The following DLEU7 variants were observed in gnomAD, a reference collection of about 807,000 sequenced individuals.
The protein encoded by DLEU7 is deleted in lymphocytic leukemia 7.
In DLEU7, 17 loss-of-function variants were observed where a neutral mutation model predicts 16.0. That is an observed-to-expected ratio of 1.06 (90% CI 0.73 to 1.59). DLEU7 has a LOEUF of 1.59. Ranked by LOEUF, DLEU7 falls within the 40% of genes most tolerant of loss-of-function variation. The pLI is 0.00. For synonymous variants in DLEU7, 113 were observed against 139.8 expected (o/e 0.81, Z 1.35); for missense variants, 308 against 314.9 (o/e 0.98, Z 0.17).
At chr13:50,729,746 G>A (rs1007303416) in intron 1 of DLEU7, among the ~76,000 whole-genome samples, 4 of 152,100 alleles carry the variant, frequency 2.6e-5, no homozygotes, top group Non-Finnish European at 5.9e-5. Flanking sequence ...TTGTGAGGTG[G>A]TATCTCATTG....
chr13:50,814,696 C>T (rs1167030697), intron 1 of DLEU7, among the ~76,000 whole-genome samples: 7 of 149,404 alleles, frequency 4.7e-5, no homozygotes, highest in African/African-American at 1.7e-4. Context: ...CACACACACA[C>T]ACACACACAC....
intron 1 of DLEU7, among the ~76,000 whole-genome samples, chr13:50,748,252 G>A (rs1276502233): frequency 1.5e-4 from 7 of 45,490 alleles, no homozygotes; most frequent in Non-Finnish European, 2.8e-4. Context: ...TTTTTTTTTT[G>A]TATAGGTTGT....
intron 1 of DLEU7, among the ~76,000 whole-genome samples, chr13:50,768,069 A>G (rs1207687686): frequency 6.6e-6 from 1 of 152,194 alleles, no homozygotes; most frequent in Non-Finnish European, 1.5e-5. Flanking sequence ...TTTAATGTTT[A>G]TCCTTTCTTC....
intron 1 of DLEU7, among the ~76,000 whole-genome samples, chr13:50,788,994 CT>C (rs1424913862): frequency 1.3e-5 from 2 of 152,164 alleles, no homozygotes; most frequent in Admixed American, 6.5e-5. Flanking sequence ...TATTTTCCCT[CT>C]GTATGGCTGT....
At chr13:50,838,083 G>A (rs1877530905) in intron 1 of DLEU7, among the ~76,000 whole-genome samples, 1 of 151,834 alleles carries the variant, frequency 6.6e-6, no homozygotes, top group Non-Finnish European at 1.5e-5. Flanking sequence ...TTACCAATGG[G>A]GAAAAAAGCA....
chr13:50,761,081 T>C (rs950868170), intron 1 of DLEU7, among the ~76,000 whole-genome samples: 1 of 152,188 alleles, frequency 6.6e-6, no homozygotes, highest in African/African-American at 2.4e-5. Context: ...GAAACACACC[T>C]GGATTGTGTT....
At chr13:50,822,832 G>T (rs878985126), downstream of DLEU7, 1 of 986,996 alleles carries the variant, frequency 1.0e-6, no homozygotes, top group Non-Finnish European at 1.2e-6. Context: ...TACAAAGATC[G>T]TTCTTATAAA....
chr13:50,778,682 T>G (rs971144136), intron 1 of DLEU7, among the ~76,000 whole-genome samples: 2 of 152,252 alleles, frequency 1.3e-5, no homozygotes, highest in Non-Finnish European at 2.9e-5. Context: ...CCAGCTCTTT[T>G]AACTTTGAAG....
intron 1 of DLEU7, among the ~76,000 whole-genome samples, chr13:50,769,874 G>A (rs2061733412): frequency 6.6e-6 from 1 of 152,126 alleles, no homozygotes; most frequent in South Asian, 2.1e-4. Context: ...AATTACCTTG[G>A]GCAGTATGGC....
intron 1 of DLEU7, among the ~76,000 whole-genome samples, chr13:50,727,490 C>T (rs1873797629): frequency 6.6e-6 from 1 of 152,102 alleles, no homozygotes; most frequent in South Asian, 2.1e-4. Context: ...TTTTCTTTGC[C>T]ACCGAGTTGT....
chr13:50,802,818 A>G (rs979818117), intron 1 of DLEU7, among the ~76,000 whole-genome samples: 1 of 152,200 alleles, frequency 6.6e-6, no homozygotes, highest in African/African-American at 2.4e-5. Flanking sequence ...ACATGTGTAT[A>G]TCATACATGT....
chr13:50,814,418 A>G (rs1876661565), intron 1 of DLEU7, among the ~76,000 whole-genome samples: 2 of 152,084 alleles, frequency 1.3e-5, no homozygotes, highest in Admixed American at 1.3e-4. Context: ...AGTTCCTGTG[A>G]CTAAGTTGAG....
At chr13:50,723,694 G>A (rs1017681880) in intron 1 of DLEU7, among the ~76,000 whole-genome samples, 19 of 152,012 alleles carry the variant, frequency 1.2e-4, no homozygotes, top group African/African-American at 4.3e-4. Context: ...CATCATGAAA[G>A]CCCCACCCTC....
In DLEU7 at chr13:50,815,483, AT is replaced by A. The variant is rs143918428; in HGVS notation, c.459+27704del. Among the ~76,000 whole-genome samples, 443 of 152,276 alleles carry A rather than the reference AT, an allele frequency of 2.9e-3. 3 individuals are homozygous for A. The highest frequency in any genetic ancestry group is 4.8e-3 in the Non-Finnish European group (325 of 68,000). ...TACAGAGCCTTACTGAGTTTATTGG[AT>A]TTCTTATCAATTCTTTTTCAATTGT... On this transcript the variant is annotated intron_variant, in intron 1 of 1. Transcript: ENST00000400393.
intron 1 of DLEU7, among the ~76,000 whole-genome samples, chr13:50,751,205 T>C (rs1874555179): frequency 6.6e-6 from 1 of 152,240 alleles, no homozygotes; most frequent in African/African-American, 2.4e-5. Flanking sequence ...TTTTTGTTTT[T>C]AATTCTGTTT....
At chr13:50,752,604 C>T (rs1874603586) in intron 1 of DLEU7, among the ~76,000 whole-genome samples, 1 of 151,672 alleles carries the variant, frequency 6.6e-6, no homozygotes, top group Non-Finnish European at 1.5e-5. Flanking sequence ...GGTTCGTGGT[C>T]TCGCTGGCTC....
intron 1 of DLEU7, among the ~76,000 whole-genome samples, chr13:50,738,572 C>T (rs1233580194): frequency 6.6e-6 from 1 of 152,084 alleles, no homozygotes; most frequent in Non-Finnish European, 1.5e-5. Flanking sequence ...ATGACAAGAA[C>T]CTGCCTGATT....
At chr13:50,813,331 T>G (rs1184880983) in intron 1 of DLEU7, among the ~76,000 whole-genome samples, 1 of 152,168 alleles carries the variant, frequency 6.6e-6, no homozygotes, top group Non-Finnish European at 1.5e-5. Flanking sequence ...CTTAGATAAC[T>G]GATAGAGGTC....
At chr13:50,761,299 C>T (rs1593546700) in intron 1 of DLEU7, among the ~76,000 whole-genome samples, 1 of 152,108 alleles carries the variant, frequency 6.6e-6, no homozygotes, top group African/African-American at 2.4e-5. Context: ...CCATCGGCAG[C>T]AGTGGTTTGT....
Sources: gnomAD v4.1 joint callset for allele counts (sites outside exome capture counted in the v4.1 genomes callset) on GRCh38, gnomAD v4.1.1 for gene constraint, MANE v1.5 for transcripts, NCBI Gene and HGNC (gene_info 2026-07-23, HGNC 2026-07-21) for gene names.